SORCS2: variants seen among roughly 807,000 people sequenced by gnomAD.
SORCS2 encodes the protein sortilin related VPS10 domain containing receptor 2, also known as VPS10 domain-containing receptor SorCS2.
SORCS2 carries 100 observed loss-of-function variants against 141.6 expected under a neutral mutation model. The observed-to-expected ratio is 0.71, with a 90% CI of 0.60 to 0.83. The LOEUF (loss-of-function observed/expected upper bound fraction) is 0.83. Among genes scored for constraint, SORCS2 ranks in the 40% least tolerant of loss-of-function variants. The probability of loss-of-function intolerance (pLI) is 0.00; values close to 1 mark genes in which losing one functional copy is unlikely to be tolerated. For synonymous variants in SORCS2, 789 were observed against 676.9 expected, an observed-to-expected ratio of 1.17 and a Z score of -2.57; for missense variants, 1,646 against 1,560.2, an observed-to-expected ratio of 1.05 and a Z score of -0.93.
chr4:7,533,244 C>G (rs972635590), intron 3 of SORCS2, among the ~76,000 whole-genome samples: 1 of 152,166 alleles, frequency 6.6e-6, no homozygotes, highest in Non-Finnish European at 1.5e-5. Flanking sequence ...AGCAGTGAGG[C>G]CTGTACCTGC....
At chr4:7,464,684 G>C (rs1729507081) in intron 2 of SORCS2, among the ~76,000 whole-genome samples, 1 of 152,192 alleles carries the variant, frequency 6.6e-6, no homozygotes, top group African/African-American at 2.4e-5. Flanking sequence ...AAAAAATGGT[G>C]TACTCTGACC....
intron 2 of SORCS2, among the ~76,000 whole-genome samples, chr4:7,418,082 C>A (rs1376820886): frequency 6.6e-6 from 1 of 152,176 alleles, no homozygotes; most frequent in African/African-American, 2.4e-5. Flanking sequence ...GTTACGCTGT[C>A]ACTTCTTCCT....
intron 1 of SORCS2, among the ~76,000 whole-genome samples, chr4:7,345,770 A>C (rs1720618196): frequency 6.6e-6 from 1 of 152,232 alleles, no homozygotes; most frequent in South Asian, 2.1e-4. Flanking sequence ...ACCCTTCTGC[A>C]GCAGACCCAG....
intron 3 of SORCS2, among the ~76,000 whole-genome samples, chr4:7,535,047 C>T (rs895424271): frequency 1.3e-5 from 2 of 152,334 alleles, no homozygotes; most frequent in Middle Eastern, 3.4e-3. Flanking sequence ...CCTGCTGACA[C>T]ACCGATCCTG....
At chr4:7,285,802 G>C (rs1178505502) in intron 1 of SORCS2, among the ~76,000 whole-genome samples, 1 of 152,222 alleles carries the variant, frequency 6.6e-6, no homozygotes, top group South Asian at 2.1e-4. Context: ...TAAGTCCGAG[G>C]GTGCGGGAGT....
At chr4:7,375,455 A>T (rs185938656) in intron 1 of SORCS2, among the ~76,000 whole-genome samples, 1 of 151,056 alleles carries the variant, frequency 6.6e-6, no homozygotes, top group East Asian at 2.0e-4. Context: ...TCAGCAGGAT[A>T]CCGCGGTGGG....
intron 2 of SORCS2, among the ~76,000 whole-genome samples, chr4:7,453,283 A>T (rs1728609876): frequency 1.9e-5 from 2 of 106,708 alleles, no homozygotes; most frequent in African/African-American, 3.9e-5. Flanking sequence ...TGTTGGGGTC[A>T]GGAGCTGTGT....
intron 1 of SORCS2, among the ~76,000 whole-genome samples, chr4:7,194,346 C>T (rs533998656): frequency 6.6e-6 from 1 of 152,304 alleles, no homozygotes; most frequent in African/African-American, 2.4e-5. Context: ...TGCCCATCTC[C>T]TCTGTCCAGC....
chr4:7,705,304 G>A (rs755554906), intron 14 of SORCS2, among the ~76,000 whole-genome samples: 3 of 152,170 alleles, frequency 2.0e-5, no homozygotes, highest in South Asian at 2.1e-4. Context: ...CAGCCCTGCC[G>A]ACCCCTGGAT....
intron 2 of SORCS2, among the ~76,000 whole-genome samples, chr4:7,426,053 G>A (rs992262305): frequency 3.3e-5 from 5 of 152,312 alleles, no homozygotes; most frequent in Admixed American, 6.5e-5. Flanking sequence ...TGCTGGAGGC[G>A]TGGGCAGTGT....
chr4:7,623,855 A>G (rs1252006591), intron 3 of SORCS2, among the ~76,000 whole-genome samples: 1 of 152,152 alleles, frequency 6.6e-6, no homozygotes, highest in Non-Finnish European at 1.5e-5. Context: ...GCCCTGGTTC[A>G]TGCAGGTTCA....
intron 1 of SORCS2, 94 bp from the exon 2 acceptor site, chr4:7,396,194 C>G: frequency 8.1e-7 from 1 of 1,233,706 alleles, no homozygotes; most frequent in Non-Finnish European, 1.2e-6. Context: ...ATTTAGAGAC[C>G]CCAAATTCTG....
chr4:7,355,517 C>T (rs998977306), intron 1 of SORCS2, among the ~76,000 whole-genome samples: 6 of 152,000 alleles, frequency 3.9e-5, no homozygotes, highest in African/African-American at 4.8e-5. Context: ...CAGGTGGTGA[C>T]GCAGGGCCCC....
chr4:7,524,872 C>T (rs543289801), intron 2 of SORCS2, among the ~76,000 whole-genome samples: 4 of 152,202 alleles, frequency 2.6e-5, no homozygotes, highest in South Asian at 2.1e-4. Flanking sequence ...CCAAGCTTGG[C>T]GAGTGCACCG....
intron 3 of SORCS2, among the ~76,000 whole-genome samples, chr4:7,632,276 G>T (rs758979602): frequency 1.3e-5 from 2 of 152,052 alleles, no homozygotes; most frequent in Admixed American, 1.3e-4. Context: ...TTAGAATGTC[G>T]TCTCTAATTT....
chr4:7,330,569 CCTT>C (rs2108965499), intron 1 of SORCS2, among the ~76,000 whole-genome samples: 1 of 151,690 alleles, frequency 6.6e-6, no homozygotes, highest in Non-Finnish European at 1.5e-5. Flanking sequence ...TCTCCTGGCT[CCTT>C]CTGCTTGGCA....
intron 5 of SORCS2, among the ~76,000 whole-genome samples, chr4:7,655,419 C>T (rs910320962): frequency 6.6e-5 from 10 of 152,222 alleles, no homozygotes; most frequent in East Asian, 3.9e-4. Flanking sequence ...CTCAGCCTTC[C>T]GTTCCAAAGC....
At chr4:7,492,028 C>T (rs916028351) in intron 2 of SORCS2, among the ~76,000 whole-genome samples, 4 of 152,190 alleles carry the variant, frequency 2.6e-5, no homozygotes, top group Admixed American at 6.5e-5. Flanking sequence ...GGGCCTCTTC[C>T]TCCTCCCTCC....
intron 5 of SORCS2, among the ~76,000 whole-genome samples, chr4:7,655,199 G>A (rs1407365918): frequency 8.0e-6 from 1 of 125,034 alleles, no homozygotes; most frequent in Non-Finnish European, 1.6e-5. Context: ...TTTCTTGTGC[G>A]TGTACACACA....
Sources: gnomAD v4.1 joint callset for allele counts (sites outside exome capture counted in the v4.1 genomes callset) on GRCh38, gnomAD v4.1.1 for gene constraint, MANE v1.5 for transcripts, NCBI Gene and HGNC (gene_info 2026-07-23, HGNC 2026-07-21) for gene names.